Variants in PPM1K observed in about 807,000 individuals in gnomAD.
PPM1K encodes the protein protein phosphatase Mn(2+)-dependent 1K.
A neutral mutation model predicts 32.6 loss-of-function variants in PPM1K; 19 were observed. The observed-to-expected ratio is 0.58, with a 90% CI of 0.41 to 0.86. The LOEUF (loss-of-function observed/expected upper bound fraction) is 0.86, where lower values mean the gene tolerates loss of function less well. Among genes scored for constraint, PPM1K ranks in the 40% least tolerant of loss-of-function variants. The probability of loss-of-function intolerance (pLI) is 0.00; values close to 1 mark genes in which losing one functional copy is unlikely to be tolerated. For synonymous variants in PPM1K, 159 were observed against 165.3 expected (o/e 0.96, Z 0.29); for missense variants, 362 against 461.2 (o/e 0.78, Z 1.97).
intron 3 of PPM1K, among the ~76,000 whole-genome samples, chr4:88,272,053 G>A (rs1578317976): frequency 6.6e-6 from 1 of 152,110 alleles, no homozygotes; most frequent in Admixed American, 6.5e-5. Context: ...AAGAGCAAAA[G>A]CTATACTTTT....
At chr4:88,268,130 A>G (rs1731407405) in intron 5 of PPM1K, 60 bp downstream of exon 5, 1 of 1,553,844 alleles carries the variant, frequency 6.4e-7, no homozygotes, top group Non-Finnish European at 8.8e-7. Context: ...AAGGTGCAGC[A>G]GAGACAATCC....
At chr4:88,274,531 A>G (rs1410671876) in intron 3 of PPM1K, among the ~76,000 whole-genome samples, 2 of 152,188 alleles carry the variant, frequency 1.3e-5, no homozygotes, top group Admixed American at 6.5e-5. Flanking sequence ...AGGGGTTAAT[A>G]CTAAAAGAGA....
At chr4:88,277,925 G>A in intron 2 of PPM1K, 1 of 581,648 alleles carries the variant, frequency 1.7e-6, no homozygotes, top group Non-Finnish European at 3.0e-6. Flanking sequence ...ATAGATTTTG[G>A]TTAATGCTTT....
chr4:88,281,942 T>C (rs1343277066), intron 1 of PPM1K, among the ~76,000 whole-genome samples: 2 of 152,004 alleles, frequency 1.3e-5, no homozygotes, highest in Non-Finnish European at 2.9e-5. Flanking sequence ...GGAGTAGAAC[T>C]TGTGATGTGA....
At chr4:88,271,669 C>T (rs533887415) in intron 3 of PPM1K, among the ~76,000 whole-genome samples, 1 of 152,186 alleles carries the variant, frequency 6.6e-6, no homozygotes, top group African/African-American at 2.4e-5. Context: ...TCAGAATTGT[C>T]TCAAGAATAG....
Position 88,268,746 on chromosome 4 carries a change from T to C in PPM1K, c.702A>G (p.Lys234=), listed in dbSNP as rs143363264. The C allele has an allele frequency of 5.0e-5, 81 of 1,613,850 alleles. No individual in the cohort carries two copies. The Middle Eastern group carries it at 6.6e-4, about 13-fold the overall frequency. ...TGGATCAGTGGTGGTAGTACCTTTC[T>C]TTTTCATCTTTTCTTTCTGGAGTAT... The part of the protein sequence containing the change: ...IDHTPERKDE[K]ERIKKCGGFV... The change falls in exon 4 of 7, where the codon AAA becomes AAG. Residue 234 remains lysine, a synonymous_variant. Transcript: ENST00000608933.
At position 88,278,143 on chromosome 4, in the gene PPM1K, C is replaced by T. The variant is rs1335978248; in HGVS notation, c.440+1G>A. 2 of 1,611,512 alleles carry T rather than the reference C, an allele frequency of 1.2e-6. No homozygotes were observed. On this transcript the variant is annotated splice_donor_variant, in intron 2 of 6. Transcript: ENST00000608933. LOFTEE classifies it high-confidence loss of function. The surrounding 1 kb of genome is among the most constrained non-coding windows in gnomAD (Gnocchi z 4.2). Reference sequence around the variant, plus strand: ...TCAGGAGTGAAAGTCATTGTACATACATAATACATTTCTCCATGTGGGTAT... The same window carrying T: ...TCAGGAGTGAAAGTCATTGTACATATATAATACATTTCTCCATGTGGGTAT...
chr4:88,269,926 T>C (rs921474108), intron 3 of PPM1K, among the ~76,000 whole-genome samples: 34 of 152,244 alleles, frequency 2.2e-4, no homozygotes, highest in African/African-American at 7.5e-4. Flanking sequence ...TTAATTTGCA[T>C]TGAGCCTTGT....
intron 5 of PPM1K, among the ~76,000 whole-genome samples, chr4:88,266,911 A>G (rs1185986413): frequency 8.4e-6 from 1 of 119,366 alleles, no homozygotes; most frequent in East Asian, 2.7e-4. Context: ...GGTGATGCTG[A>G]TTGGGTGCAG....
intron 5 of PPM1K, 46 bp downstream of exon 5, chr4:88,268,144 A>G: frequency 6.3e-7 from 1 of 1,595,986 alleles, no homozygotes; most frequent in Non-Finnish European, 8.6e-7. Context: ...ACAATCCTAC[A>G]TTCACTCTCC....
At chr4:88,265,221 C>T (rs1731258995) in intron 5 of PPM1K, 86 bp from the exon 6 acceptor site, 3 of 1,514,274 alleles carry the variant, frequency 2.0e-6, no homozygotes, top group Non-Finnish European at 2.7e-6. Context: ...ACCTGTTTTG[C>T]TAAGCGGTCA....
chr4:88,283,610 G>A (rs1276619448), intron 1 of PPM1K, among the ~76,000 whole-genome samples: 1 of 152,216 alleles, frequency 6.6e-6, no homozygotes, highest in East Asian at 1.9e-4. Flanking sequence ...TGTCACATCC[G>A]GTGAATTCCC....
intron 4 of PPM1K, 55 bp downstream of exon 4, chr4:88,268,686 T>C (rs1731436588): frequency 6.5e-7 from 1 of 1,527,342 alleles, no homozygotes; most frequent in Middle Eastern, 1.7e-4. Flanking sequence ...AAAACTATTA[T>C]GAACTAAAAA....
intron 2 of PPM1K, chr4:88,277,474 T>A (rs750255578): frequency 8.8e-6 from 4 of 453,192 alleles, no homozygotes; most frequent in African/African-American, 2.0e-5. Context: ...CCTTGAAGAA[T>A]TGATCCTCAC....
intron 3 of PPM1K, chr4:88,276,897 T>G (rs907951113): frequency 1.2e-6 from 1 of 855,042 alleles, no homozygotes; most frequent in African/African-American, 1.8e-5. Context: ...ACATCAGAAC[T>G]GTTTCGGGGC....
chr4:88,277,029 C>G (rs1209746096), intron 3 of PPM1K, 114 bp downstream of exon 3: 1 of 839,064 alleles, frequency 1.2e-6, no homozygotes, highest in Admixed American at 2.6e-5. Flanking sequence ...TAAATCCTTA[C>G]AAACAATTGT....
chr4:88,277,232 G>A lies in PPM1K; in HGVS notation c.452C>T (p.Pro151Leu), dbSNP rs2110170048. ...HMEKCIMDLL[P>L]KEKNLETLLT... ...CAGAGTTTCCAAGTTCTTCTCCTTA[G>A]GAAGCAAATCCCTTTGTGGGGAGGA... Residue 151 changes from proline (P) to leucine (L), a missense_variant, in exon 3 of 7, where the codon CCT (proline) becomes CTT (leucine). Physicochemically the swap from Pro to Leu is moderately conservative, Grantham distance 98. Transcript: ENST00000608933. 6.2e-7 allele frequency: 1 copy of A among 1,612,944 alleles called. No individual in the cohort carries two copies. Among genetic ancestry groups the A allele is most frequent in the East Asian group, 2.2e-5 (1 of 44,870 alleles).
chr4:88,282,685 A>T (rs957623362), intron 1 of PPM1K, among the ~76,000 whole-genome samples: 1 of 151,694 alleles, frequency 6.6e-6, no homozygotes, highest in Non-Finnish European at 1.5e-5. Context: ...ACTCCAAAGG[A>T]CTCCCCTTAG....
Position 88,262,523 on chromosome 4 carries a change from T to C in PPM1K, c.*72A>G. The C allele has an allele frequency of 6.4e-7, 1 of 1,561,766 alleles. No individual in the cohort carries two copies. Among genetic ancestry groups the C allele is most frequent in the South Asian group, 1.2e-5 (1 of 82,060 alleles). ...CTGATCTAGTGAGTTAGGAGACCTT[T>C]TTGATCTTATCAGTTTCTTGACATG... On this transcript the variant is annotated 3_prime_UTR_variant, in exon 7 of 7. Coordinates refer to ENST00000608933, the MANE Select transcript of PPM1K (RefSeq NM_152542.5).
Sources: gnomAD v4.1 joint callset for allele counts (sites outside exome capture counted in the v4.1 genomes callset) on GRCh38, gnomAD v4.1.1 for gene constraint, Gnocchi (gnomAD v3.1) non-coding constraint, MANE v1.5 for transcripts, NCBI Gene and HGNC (gene_info 2026-07-23, HGNC 2026-07-21) for gene names.